ZSWIM4: variants seen among roughly 807,000 people sequenced by gnomAD.
ZSWIM4 encodes the protein zinc finger SWIM domain-containing protein 4.
ZSWIM4 carries 62 observed loss-of-function variants against 102.5 expected under a neutral mutation model. The ratio of observed to expected loss-of-function variants is 0.60; its 90% CI spans 0.49 to 0.75. The LOEUF (loss-of-function observed/expected upper bound fraction) is 0.75, where lower values mean the gene tolerates loss of function less well. Ranked by LOEUF, ZSWIM4 falls within the 30% of genes least tolerant of loss-of-function variation. ZSWIM4 has a pLI of 0.00. For synonymous variants in ZSWIM4, 652 were observed against 674.5 expected (o/e 0.97, Z 0.52); for missense variants, 1,280 against 1,529.6 (o/e 0.84, Z 2.72).
intron 1 of ZSWIM4, among the ~76,000 whole-genome samples, chr19:13,798,901 G>C (rs1448227387): frequency 6.6e-6 from 1 of 152,150 alleles, no homozygotes; most frequent in Non-Finnish European, 1.5e-5. Flanking sequence ...TGGTTCTCGC[G>C]CCTCAGCCTC....
intron 2 of ZSWIM4, among the ~76,000 whole-genome samples, chr19:13,803,527 A>G (rs923754787): frequency 6.6e-6 from 1 of 151,896 alleles, no homozygotes; most frequent in African/African-American, 2.4e-5. Context: ...CGCGCCTATA[A>G]TCCCAGCACT....
chr19:13,819,269 C>T, intron 9 of ZSWIM4, 88 bp from the exon 10 acceptor site: 1 of 1,552,500 alleles, frequency 6.4e-7, no homozygotes, highest in East Asian at 2.3e-5. Flanking sequence ...CCAGCCCACC[C>T]TCTACTTAAA....
chr19:13,812,732 A>G (rs1975140233), intron 5 of ZSWIM4, among the ~76,000 whole-genome samples: 1 of 151,190 alleles, frequency 6.6e-6, no homozygotes, highest in African/African-American at 2.4e-5. Flanking sequence ...AGCCTTCCAG[A>G]GTGCTGGGAT....
chr19:13,813,962 C>T (rs1162912027), intron 6 of ZSWIM4, among the ~76,000 whole-genome samples: 1 of 149,840 alleles, frequency 6.7e-6, no homozygotes, highest in Non-Finnish European at 1.5e-5. Context: ...AGAAAAATAG[C>T]AAGTAGGAAG....
chr19:13,810,617 CTTTTTTT>C (rs111618044), intron 5 of ZSWIM4, among the ~76,000 whole-genome samples: 1 of 142,264 alleles, frequency 7.0e-6, no homozygotes. Context: ...TTTCTTTTTT[CTTTTTTT>C]TTTGAGACGG....
intron 5 of ZSWIM4, among the ~76,000 whole-genome samples, chr19:13,811,178 G>A (rs980893901): frequency 2.6e-5 from 4 of 152,100 alleles, no homozygotes; most frequent in Non-Finnish European, 5.9e-5. Flanking sequence ...CTCCCAAAGT[G>A]CTGGGATTAC....
chr19:13,825,811 C>CT lies in ZSWIM4; in HGVS notation c.2379+100dup. On this transcript the variant is annotated intron_variant, in intron 12 of 13. Coordinates refer to ENST00000590508, the MANE Select transcript of ZSWIM4 (RefSeq NM_001367834.3). This position sits in a 1 kb window ranked among gnomAD's most constrained non-coding sequence, Gnocchi z 4.6. Reference sequence around the variant, plus strand: ...CGGGGCATGGGCTGAGTGTGAGCCACTTCGCTGGGGGCCCGGCATTTGCGT... The same window carrying CT: ...CGGGGCATGGGCTGAGTGTGAGCCACTTTCGCTGGGGGCCCGGCATTTGCGT... The CT allele has an allele frequency of 2.1e-6, 3 of 1,436,724 alleles. No homozygotes were observed. Among genetic ancestry groups the CT allele is most frequent in the Non-Finnish European group, 2.8e-6 (3 of 1,082,724 alleles). The allele number at this position is 1,436,724 out of a possible 1,614,324, so 89.0% of individuals were successfully genotyped here. A position where few individuals can be genotyped will look rare whatever the true frequency, so the allele number is the denominator to read the frequency against.
At chr19:13,801,693 A>G (rs1974774489) in intron 2 of ZSWIM4, among the ~76,000 whole-genome samples, 2 of 139,878 alleles carry the variant, frequency 1.4e-5, no homozygotes, top group African/African-American at 2.8e-5. Flanking sequence ...TTTTTCCGAG[A>G]TGGAGTCTTG....
rs1033494123 is a variant in ZSWIM4, at chr19:13,817,313, G to A, written c.1629G>A (p.Glu543=). The change falls in exon 8 of 14, where the codon GAG becomes GAA. Residue 543 remains glutamate (E), a synonymous_variant. Transcript: ENST00000590508. ...GCTGCCTCTGCAGGGCGCTCCTGGA[G>A]GCCTGTCGTCTGGAGGAGGAGACAC... ...PIGCLCRALL[E]ACRLEEETLT... is the part of the protein sequence containing the mutation. The A allele has an allele frequency of 1.2e-6, 2 of 1,614,038 alleles. No homozygotes were observed. The highest frequency in any genetic ancestry group is 1.7e-6 in the Non-Finnish European group (2 of 1,179,918).
At chr19:13,812,892 G>A in intron 5 of ZSWIM4, 105 bp from the exon 6 acceptor site, 1 of 1,284,212 alleles carries the variant, frequency 7.8e-7, no homozygotes, top group Non-Finnish European at 1.1e-6. Context: ...CGAGGGTCGA[G>A]GTGAGGGGTT....
At chr19:13,817,635 C>A in intron 8 of ZSWIM4, 87 bp from the exon 9 acceptor site, 1 of 1,509,534 alleles carries the variant, frequency 6.6e-7, no homozygotes, top group Non-Finnish European at 9.0e-7. Flanking sequence ...CTACCCTGCG[C>A]CCAGGTCTCC....
Position 13,830,915 on chromosome 19 carries a change from C to T in ZSWIM4, c.3186C>T (p.Phe1062=), listed in dbSNP as rs1420793315. ...GGCACTATGGGGATTTCATCGAATT[C>T]CTGGGCAAGGCCCGGGAGACCTTCC... ...SPRHYGDFIE[F]LGKARETFLL... The change falls in exon 14 of 14, where the codon TTC becomes TTT. Residue 1062 remains phenylalanine, a synonymous_variant. Coordinates refer to ENST00000590508, the MANE Select transcript of ZSWIM4 (RefSeq NM_001367834.3). The T allele has an allele frequency of 6.2e-7, 1 of 1,614,222 alleles. No individual in the cohort carries two copies. Among genetic ancestry groups the T allele is most frequent in the East Asian group, 2.2e-5 (1 of 44,876 alleles).
intron 2 of ZSWIM4, 144 bp downstream of exon 2, chr19:13,800,065 A>AT (rs71170569): frequency 0.051 from 19,389 of 383,702 alleles, 165 homozygotes; most frequent in Admixed American, 0.078. Flanking sequence ...ATTGTACAAG[A>AT]TTTTTTTTTT....
chr19:13,830,474 C>G lies in ZSWIM4; in HGVS notation c.2745C>G (p.Gly915=). 1 of 1,602,618 alleles carries G rather than the reference C, an allele frequency of 6.2e-7. No homozygotes were observed. Among genetic ancestry groups the G allele is most frequent in the Non-Finnish European group, 8.5e-7 (1 of 1,179,698 alleles). Residue 915 remains glycine (G), a synonymous_variant, in exon 14 of 14, where the codon GGC becomes GGG. Coordinates refer to ENST00000590508, the MANE Select transcript of ZSWIM4 (RefSeq NM_001367834.3). The part of the protein sequence containing the change: ...AYQIVLDAAA[G]GLGHAHLFTV... ...AGATCGTGCTGGACGCGGCGGCCGG[C>G]GGCCTGGGCCACGCCCACCTCTTCA...
chr19:13,800,651 C>G (rs1163605912), intron 2 of ZSWIM4, among the ~76,000 whole-genome samples: 1 of 152,086 alleles, frequency 6.6e-6, no homozygotes, highest in Non-Finnish European at 1.5e-5. Flanking sequence ...TCGTGATCCC[C>G]CCACCTCGGC....
At chr19:13,822,845 A>G (rs1599611306) in intron 10 of ZSWIM4, among the ~76,000 whole-genome samples, 1 of 152,068 alleles carries the variant, frequency 6.6e-6, no homozygotes. Context: ...CAGGTGTGGT[A>G]GTACACGCCT....
chr19:13,810,149 T>C, intron 5 of ZSWIM4, among the ~76,000 whole-genome samples: 1 of 150,760 alleles, frequency 6.6e-6, no homozygotes, highest in Admixed American at 6.6e-5. Flanking sequence ...CACCCGCCAC[T>C]AAGTCCGGCT....
At chr19:13,818,657 G>A (rs1252824964) in intron 9 of ZSWIM4, among the ~76,000 whole-genome samples, 2 of 152,058 alleles carry the variant, frequency 1.3e-5, no homozygotes, top group Admixed American at 6.6e-5. Context: ...TCTGCCTCCC[G>A]GGTTCAAGTG....
At chr19:13,818,807 G>A (rs933719358) in intron 9 of ZSWIM4, among the ~76,000 whole-genome samples, 1,508 of 149,124 alleles carry the variant, frequency 0.01, 21 homozygotes, top group African/African-American at 0.036. Context: ...CAAGTGATCT[G>A]CCCGCCTCGG....
Sources: gnomAD v4.1 joint callset for allele counts (sites outside exome capture counted in the v4.1 genomes callset) on GRCh38, gnomAD v4.1.1 for gene constraint, Gnocchi (gnomAD v3.1) non-coding constraint, MANE v1.5 for transcripts, NCBI Gene and HGNC (gene_info 2026-07-23, HGNC 2026-07-21) for gene names.